The following OTOG variants were observed in gnomAD, a reference collection of about 807,000 sequenced individuals.
The protein encoded by OTOG is otogelin.
A neutral mutation model predicts 313.8 loss-of-function variants in OTOG; 296 were observed. The ratio of observed to expected loss-of-function variants is 0.94; its 90% CI spans 0.86 to 1.04. The LOEUF (loss-of-function observed/expected upper bound fraction) is 1.04, where lower values mean the gene tolerates loss of function less well. Among genes scored for constraint, OTOG ranks in the 50% least tolerant of loss-of-function variants. The pLI is 0.00. For missense variants in OTOG, 3,948 were observed against 3,840.1 expected, an observed-to-expected ratio of 1.03 and a Z score of -0.74; for synonymous variants, 1,533 against 1,554.9, an observed-to-expected ratio of 0.99 and a Z score of 0.33.
chr11:17,606,753 CTG>C (rs1381516707), intron 33 of OTOG, among the ~76,000 whole-genome samples: 1 of 152,338 alleles, frequency 6.6e-6, no homozygotes, highest in East Asian at 1.9e-4. Flanking sequence ...GTACCTGTGT[CTG>C]TGGGTGGATC....
rs530782705 is a variant in OTOG, at chr11:17,644,148, T to A, written c.8461+642T>A. Among the ~76,000 whole-genome samples the A allele has an allele frequency of 4.6e-5, 7 of 152,370 alleles. No homozygotes were observed. The South Asian group carries it at 1.4e-3, about 32-fold the overall frequency. On this transcript the variant is annotated intron_variant, in intron 54 of 55. Coordinates refer to ENST00000399397, the MANE Select transcript of OTOG (RefSeq NM_001292063.2). ...GCAGTGCATGCTGGGTAGTGAGCTGTATCCCCTGGGCTTGCATGGGAAAGC... is the reference window on the plus strand; with the variant it reads ...GCAGTGCATGCTGGGTAGTGAGCTGAATCCCCTGGGCTTGCATGGGAAAGC...
At position 17,641,866 on chromosome 11, in the gene OTOG, C is replaced by A; in HGVS notation, c.8210C>A (p.Pro2737Gln). Residue 2737 changes from proline (P) to glutamine (Q), a missense_variant, in exon 52 of 56, where the codon CCG (proline) becomes CAG (glutamine). Pro to Gln is a moderately conservative substitution (Grantham distance 76). Coordinates refer to ENST00000399397, the MANE Select transcript of OTOG (RefSeq NM_001292063.2). ...CTGTAGAACCAGGAGTACGAGCACC[C>A]GCGGGACCTCGCTGCCTGCTGCGGC... is the stretch of plus-strand genomic sequence containing the variant. ...HCEANQEYEH[P>Q]RDLAACCGSC... The A allele has an allele frequency of 6.5e-7, 1 of 1,550,242 alleles. No homozygotes were observed. Among genetic ancestry groups the A allele is most frequent in the East Asian group, 2.4e-5 (1 of 40,890 alleles).
chr11:17,591,714 T>A, intron 25 of OTOG, 126 bp downstream of exon 25: 2 of 1,246,854 alleles, frequency 1.6e-6, no homozygotes, highest in Non-Finnish European at 2.2e-6. Flanking sequence ...TGGGGCTATC[T>A]AGAGACTGGA....
At chr11:17,614,364 G>T (rs1014824243) in intron 39 of OTOG, among the ~76,000 whole-genome samples, 4 of 152,142 alleles carry the variant, frequency 2.6e-5, no homozygotes, top group Admixed American at 2.0e-4. Flanking sequence ...CGGACAGTAG[G>T]TTTCCTATGG....
At chr11:17,636,891 G>A (rs1854280468) in intron 47 of OTOG, among the ~76,000 whole-genome samples, 1 of 152,080 alleles carries the variant, frequency 6.6e-6, no homozygotes, top group South Asian at 2.1e-4. Flanking sequence ...AAATAGCGAT[G>A]CTAGTATCTG....
chr11:17,638,095 G>T (rs1231859179), intron 47 of OTOG, among the ~76,000 whole-genome samples: 2 of 152,232 alleles, frequency 1.3e-5, no homozygotes, highest in Non-Finnish European at 2.9e-5. Flanking sequence ...TCCACAGGGT[G>T]GGAAAGGTTG....
chr11:17,588,438 C>CGGCAGCATGGTCA (rs1237185964), intron 24 of OTOG, among the ~76,000 whole-genome samples: 1 of 152,082 alleles, frequency 6.6e-6, no homozygotes, highest in Non-Finnish European at 1.5e-5. Context: ...GCAGCATGGT[C>CGGCAGCATGGTCA]GGCAGCATGG....
chr11:17,559,962 A>G (rs1182885938), intron 12 of OTOG, among the ~76,000 whole-genome samples: 4 of 147,752 alleles, frequency 2.7e-5, no homozygotes, highest in Non-Finnish European at 5.9e-5. Flanking sequence ...ACAATTAACA[A>G]ATGAATAAAT....
intron 54 of OTOG, among the ~76,000 whole-genome samples, chr11:17,643,930 G>A (rs1446385295): frequency 6.6e-6 from 1 of 152,184 alleles, no homozygotes; most frequent in African/African-American, 2.4e-5. Flanking sequence ...GACAGTCCCC[G>A]TTAGTCCCGC....
chr11:17,572,940 A>C (rs892074273), intron 18 of OTOG, 138 bp from the exon 19 acceptor site: 1 of 806,646 alleles, frequency 1.2e-6, no homozygotes, highest in Non-Finnish European at 1.9e-6. Flanking sequence ...CCAGCTGTAC[A>C]CTGAAGTAGC....
At chr11:17,571,143 A>C (rs1185181336) in intron 17 of OTOG, among the ~76,000 whole-genome samples, 1 of 152,252 alleles carries the variant, frequency 6.6e-6, no homozygotes, top group East Asian at 1.9e-4. Flanking sequence ...TGTGAAGAAC[A>C]AGAACAAAAT....
chr11:17,582,449 A>G (rs915246507), intron 23 of OTOG, among the ~76,000 whole-genome samples: 4 of 152,192 alleles, frequency 2.6e-5, no homozygotes, highest in African/African-American at 9.7e-5. Flanking sequence ...GTTTGGGACT[A>G]TTTTGACTAA....
intron 23 of OTOG, among the ~76,000 whole-genome samples, chr11:17,584,356 T>G (rs1852743433): frequency 6.6e-6 from 1 of 152,250 alleles, no homozygotes; most frequent in Non-Finnish European, 1.5e-5. Flanking sequence ...GTGATGGAAG[T>G]AAAAATCATT....
Position 17,547,392 on chromosome 11 carries a change from C to T in OTOG, c.20C>T (p.Ala7Val), listed in dbSNP as rs901675098. MGVLASALCWLLCVWLP... is the reference protein window; with the variant it reads MGVLASVLCWLLCVWLP... ...GTCCCTATGGGAGTCCTGGCGTCTG[C>T]GCTCTGCTGGCTGCTTTGTGTCTGG... is the stretch of plus-strand genomic sequence containing the variant. Residue 7 changes from alanine (A) to valine (V), a missense_variant, in exon 1 of 56, where the codon GCG (alanine) becomes GTG (valine). Transcript: ENST00000399397. 16 of 1,416,256 alleles carry T rather than the reference C, an allele frequency of 1.1e-5. No individual in the cohort carries two copies. The highest frequency in any genetic ancestry group is 3.1e-5 in the South Asian group (2 of 65,084). 87.7% of individuals were successfully genotyped at this position (1,416,256 alleles called of 1,614,324 possible). A position where few individuals can be genotyped will look rare whatever the true frequency, so the allele number is the denominator to read the frequency against.
chr11:17,613,902 GGGAGGAAGTATACCA>G (rs1372295593), intron 39 of OTOG, among the ~76,000 whole-genome samples: 3 of 151,752 alleles, frequency 2.0e-5, no homozygotes, highest in Admixed American at 6.5e-5. Flanking sequence ...CCAATGTCAG[GGGAGGAAGTATACCA>G]GGAGGAATGG....
intron 29 of OTOG, 99 bp from the exon 30 acceptor site, chr11:17,596,752 G>C: frequency 9.4e-7 from 1 of 1,065,752 alleles, no homozygotes. Context: ...ACCCTATCCC[G>C]TGGTCCCTTC....
At chr11:17,559,510 G>C in intron 11 of OTOG, 24 bp from the exon 12 acceptor site, 3 of 1,550,438 alleles carry the variant, frequency 1.9e-6, no homozygotes, top group Non-Finnish European at 2.6e-6. Context: ...GTAGCTGAGA[G>C]ACCATGGATC....
intron 33 of OTOG, among the ~76,000 whole-genome samples, chr11:17,607,031 A>C (rs1015978801): frequency 6.6e-6 from 1 of 152,174 alleles, no homozygotes; most frequent in African/African-American, 2.4e-5. Context: ...CTTGAGTTCA[A>C]ATCCTGACCC....
intron 37 of OTOG, 61 bp downstream of exon 37, chr11:17,612,391 C>T (rs948323106): frequency 1.2e-5 from 18 of 1,472,988 alleles, no homozygotes; most frequent in African/African-American, 2.8e-5. Context: ...CCAGCATGAC[C>T]GCCATCCCTG....
Sources: allele counts gnomAD v4.1 joint callset (sites outside exome capture counted in the v4.1 genomes callset), GRCh38; gene constraint gnomAD v4.1.1; transcripts MANE v1.5; gene names NCBI Gene and HGNC (gene_info 2026-07-23, HGNC 2026-07-21).